The following TERF1 variants were observed in gnomAD, a reference collection of about 807,000 sequenced individuals.
TERF1 encodes telomeric repeat-binding factor 1.
A neutral mutation model predicts 55.1 loss-of-function variants in TERF1; 20 were observed. The ratio of observed to expected loss-of-function variants is 0.36; its 90% CI spans 0.26 to 0.53. The LOEUF is 0.53. Among genes scored for constraint, TERF1 ranks in the 20% least tolerant of loss-of-function variants. The probability of loss-of-function intolerance (pLI) is 0.91; values close to 1 mark genes in which losing one functional copy is unlikely to be tolerated. For synonymous variants in TERF1, 168 were observed against 181.2 expected (o/e 0.93, Z 0.59); for missense variants, 439 against 535.7 (o/e 0.82, Z 1.78).
chr8:73,045,893 A>G (rs1810010020), intron 9 of TERF1, 68 bp from the exon 10 acceptor site: 1 of 1,273,126 alleles, frequency 7.9e-7, no homozygotes, highest in Non-Finnish European at 1.0e-6. Flanking sequence ...TAAAACTGGC[A>G]TTTATAGTAG....
At position 73,026,995 on chromosome 8, in the gene TERF1, A is replaced by C; in HGVS notation, c.830A>C (p.Lys277Thr). Residue 277 changes from lysine (K) to threonine (T), a missense_variant, in exon 6 of 10, where the codon AAA becomes ACA. Around this residue, in one of 4 missense-constraint regions of TERF1, gnomAD observed 140 missense variants for 158.6 expected, o/e 0.88. Transcript: ENST00000276603. ...ACAAGAACAATAACTTCTCAAGATAAACCTAGTGGTAATGATGTTGAAATG... is the reference window on the plus strand; with the variant it reads ...ACAAGAACAATAACTTCTCAAGATACACCTAGTGGTAATGATGTTGAAATG... ...KRTRTITSQD[K>T]PSGNDVEMET... The C allele has an allele frequency of 6.2e-7, 1 of 1,612,620 alleles. No individual in the cohort carries two copies. Among genetic ancestry groups the C allele is most frequent in the Non-Finnish European group, 8.5e-7 (1 of 1,179,768 alleles).
intron 5 of TERF1, 55 bp from the exon 6 acceptor site, chr8:73,026,885 A>T: frequency 7.6e-7 from 1 of 1,322,620 alleles, no homozygotes; most frequent in Non-Finnish European, 1.1e-6. Flanking sequence ...CTATTTGTTT[A>T]AAATGGCTTA....
At chr8:73,044,446 T>C (rs1809955062) in intron 9 of TERF1, among the ~76,000 whole-genome samples, 1 of 152,192 alleles carries the variant, frequency 6.6e-6, no homozygotes, top group Non-Finnish European at 1.5e-5. Context: ...ACGAGATGGT[T>C]CTCATGTCAT....
chr8:73,027,300 A>T (rs1586047209), intron 6 of TERF1, among the ~76,000 whole-genome samples: 1 of 152,340 alleles, frequency 6.6e-6, no homozygotes, highest in East Asian at 1.9e-4. Flanking sequence ...TTCTTGGGGT[A>T]TGCTTAGGAA....
chr8:73,037,668 T>C (rs1247546129), intron 8 of TERF1, among the ~76,000 whole-genome samples: 1 of 16,298 alleles, frequency 6.1e-5, no homozygotes, highest in Non-Finnish European at 2.0e-4. Flanking sequence ...TATAATAATA[T>C]TATATTATAT....
Position 73,039,144 on chromosome 8 carries a change from A to T in TERF1, c.1068A>T (p.Arg356Ser). 1 of 1,599,738 alleles carries T rather than the reference A, an allele frequency of 6.3e-7. No individual in the cohort carries two copies. The highest frequency in any genetic ancestry group is 8.5e-7 in the Non-Finnish European group (1 of 1,174,614). Residue 356 changes from arginine (R) to serine (S), a missense_variant, in exon 9 of 10, where the codon AGA becomes AGT. By Grantham distance (110) the Arg-to-Ser change is moderately radical. This residue lies in a region of TERF1 where 140 missense variants were observed against 158.6 expected (regional missense o/e 0.88). Coordinates refer to ENST00000276603, the MANE Select transcript of TERF1 (RefSeq NM_017489.3). The part of the protein sequence containing the change: ...QSTKKKKESR[R>S]ATESRIPVSK... The stretch of plus-strand genomic sequence containing the variant: ...CAAAAAAGAAAAAAGAAAGCAGAAG[A>T]GCCACTGAAAGCAGAATACCTGTTT...
intron 5 of TERF1, among the ~76,000 whole-genome samples, chr8:73,025,308 G>T (rs936359060): frequency 1.3e-5 from 2 of 152,154 alleles, no homozygotes; most frequent in African/African-American, 4.8e-5. Context: ...GGGAAAAATA[G>T]AATTGTATTA....
chr8:73,032,063 A>G lies in TERF1; in HGVS notation c.969A>G (p.Leu323=), dbSNP rs1435165811. The change falls in exon 8 of 10, where the codon TTA becomes TTG. Residue 323 remains leucine (L), a synonymous_variant. Transcript: ENST00000276603. ...SLLRSHKNLF[L]SKLQHGTQQQ... is the part of the protein sequence containing the mutation. ...TTAGGTCTCACAAGAATCTTTTCTT[A>G]TCTAAGTTGCAACATGGAACCCAGC... The G allele has an allele frequency of 6.2e-7, 1 of 1,611,026 alleles. No individual in the cohort carries two copies. Among genetic ancestry groups the G allele is most frequent in the Admixed American group, 1.7e-5 (1 of 59,684 alleles).
chr8:73,034,920 G>GC (rs2129861651), intron 8 of TERF1, among the ~76,000 whole-genome samples: 1 of 152,126 alleles, frequency 6.6e-6, no homozygotes, highest in South Asian at 2.1e-4. Context: ...CAGAGCCCAG[G>GC]CTTTTAATTG....
rs751173346 is a variant in TERF1, at chr8:73,008,879, C to T, written c.-8C>T. 60 of 1,598,700 alleles carry T rather than the reference C, an allele frequency of 3.8e-5. No individual in the cohort carries two copies. Among genetic ancestry groups the T allele is most frequent in the South Asian group, 4.5e-5 (4 of 88,424 alleles). On this transcript the variant is annotated 5_prime_UTR_variant, in exon 1 of 10. Transcript: ENST00000276603. Reference sequence around the variant, plus strand: ...CTGAAGGGGCAGTACCCAAGCGAGCCATTTAACATGGCGGAGGATGTTTCC... The same window carrying T: ...CTGAAGGGGCAGTACCCAAGCGAGCTATTTAACATGGCGGAGGATGTTTCC...
intron 2 of TERF1, among the ~76,000 whole-genome samples, chr8:73,019,577 G>C (rs1000480469): frequency 1.3e-5 from 2 of 152,030 alleles, no homozygotes; most frequent in South Asian, 2.1e-4. Context: ...ACAAGGTCAC[G>C]CTGGAAGGCT....
At chr8:73,034,848 CT>C (rs1324415030) in intron 8 of TERF1, among the ~76,000 whole-genome samples, 2 of 151,654 alleles carry the variant, frequency 1.3e-5, no homozygotes, top group Non-Finnish European at 2.9e-5. Flanking sequence ...AATAAAATGC[CT>C]TTGGTTACAC....
chr8:73,019,224 G>A (rs923246087), intron 2 of TERF1, among the ~76,000 whole-genome samples: 4 of 151,542 alleles, frequency 2.6e-5, no homozygotes, highest in African/African-American at 9.7e-5. Context: ...GGGGGTGGGG[G>A]GAAGGTAGTC....
chr8:73,037,448 A>G (rs1021189947), intron 8 of TERF1, among the ~76,000 whole-genome samples: 2 of 131,958 alleles, frequency 1.5e-5, no homozygotes, highest in Non-Finnish European at 3.1e-5. Context: ...TATATATTAT[A>G]TATGTTATAT....
rs987316848 is a variant in TERF1 at position 73,047,493 on chromosome 8, C to T, written c.*1356C>T. ...AATAAACAAGGTCATACATACCTTA[C>T]TAAACAATTTTGGTTTTTCACCAAC... On this transcript the variant is annotated 3_prime_UTR_variant, in exon 10 of 10. Coordinates refer to ENST00000276603, the MANE Select transcript of TERF1 (RefSeq NM_017489.3). 6.6e-6 allele frequency: 1 copy of T among 152,134 alleles called. No homozygotes were observed. The highest frequency in any genetic ancestry group is 1.5e-5 in the Non-Finnish European group (1 of 68,036). 9.4% of individuals were successfully genotyped at this position (152,134 alleles called of 1,614,324 possible).
intron 6 of TERF1, among the ~76,000 whole-genome samples, chr8:73,027,660 A>T (rs1173186698): frequency 1.3e-5 from 2 of 152,068 alleles, no homozygotes; most frequent in Non-Finnish European, 2.9e-5. Context: ...CATTATAAAG[A>T]TCTTCTTTTC....
chr8:73,022,182 A>G, intron 3 of TERF1, 34 bp from the exon 4 acceptor site: 17 of 1,338,536 alleles, frequency 1.3e-5, no homozygotes, highest in Non-Finnish European at 1.7e-5. Flanking sequence ...GTATTTATAA[A>G]CGCAGTCTAA....
In TERF1 at chr8:73,020,146, C is replaced by T. The variant is rs1007796759; in HGVS notation, c.416-538C>T. Among the ~76,000 whole-genome samples the T allele has an allele frequency of 4.6e-5, 7 of 152,162 alleles. No individual in the cohort carries two copies. In the East Asian group the frequency reaches 1.3e-3, roughly 29 times the overall value. ...GACATGTAAGACATTATCATGAAGGCTCTTGAATGTCCGAATGGGTTGTTG... is the reference window on the plus strand; with the variant it reads ...GACATGTAAGACATTATCATGAAGGTTCTTGAATGTCCGAATGGGTTGTTG... On this transcript the variant is annotated intron_variant, in intron 2 of 9. Coordinates refer to ENST00000276603, the MANE Select transcript of TERF1 (RefSeq NM_017489.3).
intron 9 of TERF1, among the ~76,000 whole-genome samples, chr8:73,039,552 G>A (rs750042439): frequency 1.3e-5 from 2 of 152,148 alleles, no homozygotes; most frequent in Non-Finnish European, 2.9e-5. Flanking sequence ...CAGGGATCCA[G>A]TGTAAAAAGA....
Sources: allele counts gnomAD v4.1 joint callset (sites outside exome capture counted in the v4.1 genomes callset), GRCh38; gene constraint gnomAD v4.1.1; regional missense constraint gnomAD v4.1.1; transcripts MANE v1.5; gene names NCBI Gene and HGNC (gene_info 2026-07-23, HGNC 2026-07-21).